PTPRN2: variants seen among roughly 807,000 people sequenced by gnomAD.
The protein encoded by PTPRN2 is protein tyrosine phosphatase receptor type N2.
In PTPRN2, 74 loss-of-function variants were observed where a neutral mutation model predicts 118.8. The observed-to-expected ratio is 0.62, with a 90% confidence interval of 0.52 to 0.76. The LOEUF is 0.76. Ranked by LOEUF, PTPRN2 falls within the 30% of genes least tolerant of loss-of-function variation. The pLI is 0.00. For missense variants in PTPRN2, 1,481 were observed against 1,394.4 expected, an observed-to-expected ratio of 1.06 and a Z score of -0.99; for synonymous variants, 641 against 608.0, an observed-to-expected ratio of 1.05 and a Z score of -0.80.
chr7:158,315,557 G>A (rs530061611), intron 3 of PTPRN2, among the ~76,000 whole-genome samples: 1 of 150,826 alleles, frequency 6.6e-6, no homozygotes, highest in Non-Finnish European at 1.5e-5. Context: ...CGGGACCCCT[G>A]AAGAACAGAG....
intron 11 of PTPRN2, among the ~76,000 whole-genome samples, chr7:158,066,309 C>T (rs77570013): frequency 2.0e-5 from 3 of 152,188 alleles, no homozygotes; most frequent in Non-Finnish European, 4.4e-5. Flanking sequence ...AAACAGCCAC[C>T]CTTCTGGCTC....
chr7:158,056,077 T>C (rs1809764471), intron 11 of PTPRN2, among the ~76,000 whole-genome samples: 1 of 152,140 alleles, frequency 6.6e-6, no homozygotes, highest in Non-Finnish European at 1.5e-5. Flanking sequence ...TCTGGAATCT[T>C]CGGAGGCTCT....
chr7:158,412,697 C>T (rs1192466893), intron 2 of PTPRN2, among the ~76,000 whole-genome samples: 7 of 124,428 alleles, frequency 5.6e-5, no homozygotes, highest in East Asian at 2.6e-4. Flanking sequence ...GCCCATCCAG[C>T]ACCCTCCTCA....
At chr7:158,441,087 G>T (rs1401835200) in intron 2 of PTPRN2, among the ~76,000 whole-genome samples, 2 of 144,698 alleles carry the variant, frequency 1.4e-5, no homozygotes, top group Non-Finnish European at 3.0e-5. Flanking sequence ...GGTGCTGGTG[G>T]TAGTGATAGG....
intron 12 of PTPRN2, among the ~76,000 whole-genome samples, chr7:157,829,968 T>G (rs368054108): frequency 5.6e-4 from 85 of 152,314 alleles, no homozygotes; most frequent in African/African-American, 1.9e-3. Context: ...GCACTGTCCC[T>G]CCATGCTTCC....
intron 2 of PTPRN2, among the ~76,000 whole-genome samples, chr7:158,329,632 GT>G (rs1803974074): frequency 6.6e-6 from 1 of 152,180 alleles, no homozygotes; most frequent in African/African-American, 2.4e-5. Context: ...AGAAATCAAT[GT>G]CTGCTGTTTC....
intron 3 of PTPRN2, among the ~76,000 whole-genome samples, chr7:158,295,826 CCCTG>C (rs1451284911): frequency 1.3e-5 from 2 of 152,278 alleles, no homozygotes; most frequent in African/African-American, 4.8e-5. Flanking sequence ...CGCCCGCTGA[CCCTG>C]CCTGTCTGCC....
intron 12 of PTPRN2, among the ~76,000 whole-genome samples, chr7:157,734,177 A>AGCACAGTTACTCTTTTCCGTCCCACGCG: frequency 2.0e-5 from 1 of 49,196 alleles, no homozygotes; most frequent in Non-Finnish European, 3.6e-5. Context: ...CACCCCATGC[A>AGCACAGTTACTCTTTTCCGTCCCACGCG]CCCAGCACAG....
chr7:158,081,469 A>C, intron 10 of PTPRN2, 92 bp from the exon 11 acceptor site: 1 of 1,277,392 alleles, frequency 7.8e-7, no homozygotes, highest in Non-Finnish European at 1.1e-6. Flanking sequence ...GTGTGTTTTT[A>C]AAAACGCAAA....
In PTPRN2 at chr7:158,327,632, G is replaced by A. The variant is rs1213349944; in HGVS notation, c.164-10700C>T. On this transcript the variant is annotated intron_variant, in intron 2 of 22. Coordinates refer to ENST00000389418, the MANE Select transcript of PTPRN2 (RefSeq NM_002847.5). ...AGAATAGCAGAAGGAGCCCTCACCA[G>A]CCTGGGACCGCCATGCTCCAGGTGT... Among the ~76,000 whole-genome samples, 4 of 152,228 alleles carry A rather than the reference G, an allele frequency of 2.6e-5. No homozygotes were observed. In the East Asian group the frequency reaches 5.8e-4, roughly 22 times the overall value.
chr7:158,547,476 G>C (rs961460176), intron 1 of PTPRN2, among the ~76,000 whole-genome samples: 3 of 152,168 alleles, frequency 2.0e-5, no homozygotes, highest in Non-Finnish European at 4.4e-5. Context: ...GGATCTCACA[G>C]TGCTTGTCCT....
At chr7:157,718,004 C>G (rs887239382) in intron 12 of PTPRN2, among the ~76,000 whole-genome samples, 2 of 152,254 alleles carry the variant, frequency 1.3e-5, no homozygotes, top group Admixed American at 1.3e-4. Context: ...GGCCACATTC[C>G]CCAGAAAGCC....
intron 1 of PTPRN2, among the ~76,000 whole-genome samples, chr7:158,500,330 T>C (rs1822270026): frequency 6.6e-6 from 1 of 152,226 alleles, no homozygotes; most frequent in Non-Finnish European, 1.5e-5. Flanking sequence ...AAATAATTTC[T>C]TTTTATCTTC....
intron 20 of PTPRN2, among the ~76,000 whole-genome samples, chr7:157,571,121 C>T (rs925595367): frequency 6.8e-6 from 1 of 148,074 alleles, no homozygotes; most frequent in Admixed American, 6.9e-5. Flanking sequence ...GTGGCGGGCG[C>T]AATCGCTTGA....
intron 21 of PTPRN2, among the ~76,000 whole-genome samples, chr7:157,563,361 G>A (rs879292972): frequency 7.7e-5 from 3 of 38,996 alleles, no homozygotes; most frequent in South Asian, 1.7e-3. Flanking sequence ...GTGCTCCCAC[G>A]TCACCACACA....
chr7:158,173,947 T>C (rs1333294431), intron 5 of PTPRN2, among the ~76,000 whole-genome samples: 1 of 152,226 alleles, frequency 6.6e-6, no homozygotes, highest in Admixed American at 6.5e-5. Flanking sequence ...TGATTTCATA[T>C]TGTTCAAACA....
chr7:157,621,889 G>A (rs181895334), intron 14 of PTPRN2, among the ~76,000 whole-genome samples: 2 of 152,134 alleles, frequency 1.3e-5, no homozygotes, highest in Non-Finnish European at 2.9e-5. Flanking sequence ...TCTTAAAACC[G>A]GCGCACGTTT....
At chr7:157,748,320 T>G (rs1801156868) in intron 12 of PTPRN2, among the ~76,000 whole-genome samples, 1 of 137,548 alleles carries the variant, frequency 7.3e-6, no homozygotes, top group African/African-American at 2.6e-5. Context: ...CCTGCATCTC[T>G]GAGCAGAGGG....
chr7:158,541,887 A>G (rs1401274087), intron 1 of PTPRN2: 1 of 274,484 alleles, frequency 3.6e-6, no homozygotes, highest in Admixed American at 6.5e-5. Flanking sequence ...ACTGGCTAGC[A>G]TGAGGCTTGT....
Sources: gnomAD v4.1 joint callset for allele counts (sites outside exome capture counted in the v4.1 genomes callset) on GRCh38, gnomAD v4.1.1 for gene constraint, MANE v1.5 for transcripts, NCBI Gene and HGNC (gene_info 2026-07-23, HGNC 2026-07-21) for gene names.